Variants in MED13 observed in about 807,000 individuals in gnomAD.
MED13 encodes mediator complex subunit 13, also known as mediator of RNA polymerase II transcription subunit 13.
Under a neutral mutation model 225.2 loss-of-function variants are expected in MED13, and 23 were observed. That is an observed-to-expected ratio of 0.10 (90% confidence interval 0.07 to 0.14). The LOEUF (loss-of-function observed/expected upper bound fraction) is 0.14. Among genes scored for constraint, MED13 ranks in the 10% least tolerant of loss-of-function variants. The pLI is 1.00. For synonymous variants in MED13, 942 were observed against 889.2 expected (o/e 1.06, Z -1.06); for missense variants, 2,197 against 2,594.5 (o/e 0.85, Z 3.33).
chr17:61,969,401 T>G (rs1280744685), intron 17 of MED13, among the ~76,000 whole-genome samples: 1 of 151,892 alleles, frequency 6.6e-6, no homozygotes, highest in Non-Finnish European at 1.5e-5. Context: ...GTAGGCCAGG[T>G]GCTGTGGCTC....
At chr17:61,995,829 T>C (rs990533579) in intron 9 of MED13, among the ~76,000 whole-genome samples, 1 of 152,166 alleles carries the variant, frequency 6.6e-6, no homozygotes, top group African/African-American at 2.4e-5. Flanking sequence ...CATGAGTAGA[T>C]ATACTTTAAG....
chr17:61,979,844 A>C (rs1452960095), intron 16 of MED13, among the ~76,000 whole-genome samples: 2 of 152,178 alleles, frequency 1.3e-5, no homozygotes, highest in African/African-American at 2.4e-5. Flanking sequence ...AGCCTGTCTC[A>C]GTTTTCACCT....
chr17:61,990,759 C>G (rs1785397963), intron 11 of MED13, among the ~76,000 whole-genome samples: 1 of 151,604 alleles, frequency 6.6e-6, no homozygotes, highest in Admixed American at 6.6e-5. Context: ...AAATGAATTA[C>G]TATACTATGT....
chr17:61,974,844 T>G (rs1156603315), intron 16 of MED13, among the ~76,000 whole-genome samples: 1 of 151,768 alleles, frequency 6.6e-6, no homozygotes, highest in Non-Finnish European at 1.5e-5. Flanking sequence ...GTAATAGGAG[T>G]AAATTTTCAA....
intron 23 of MED13, among the ~76,000 whole-genome samples, chr17:61,958,679 G>A (rs1245152825): frequency 5.3e-5 from 8 of 151,774 alleles, no homozygotes; most frequent in Non-Finnish European, 1.2e-4. Flanking sequence ...CATTATGTTG[G>A]CCAGGCTGGT....
intron 23 of MED13, 140 bp downstream of exon 23, chr17:61,960,726 GA>G: frequency 1.9e-6 from 1 of 527,022 alleles, no homozygotes; most frequent in Admixed American, 3.7e-5. Flanking sequence ...ATTCACTAAA[GA>G]AAAAAGTAAA....
chr17:62,034,773 CT>C (rs1226937325), intron 4 of MED13, among the ~76,000 whole-genome samples: 1 of 152,108 alleles, frequency 6.6e-6, no homozygotes, highest in African/African-American at 2.4e-5. Context: ...TAGAATTCAA[CT>C]TTTTTCATAG....
rs530333821 is a variant in MED13 at position 62,011,020 on chromosome 17, G to C, written c.1497C>G (p.Ile499Met). Residue 499 changes from isoleucine (I) to methionine (M), a missense_variant, in exon 9 of 30, where the codon ATC (isoleucine) becomes ATG (methionine). Physicochemically the swap from Ile to Met is conservative, Grantham distance 10. This residue lies in a region of MED13 where 884 missense variants were observed against 918.5 expected (regional missense o/e 0.96). Transcript: ENST00000397786. Reference sequence around the variant, plus strand: ...ATCTCACTTGACTGTCTGGAGCAGAGATCACAAGTCTTTGGCTGGCTGAAT... The same window carrying C: ...ATCTCACTTGACTGTCTGGAGCAGACATCACAAGTCTTTGGCTGGCTGAAT... ...DADSASQRLVISAPDSQVRFS... is the reference protein window; with the variant it reads ...DADSASQRLVMSAPDSQVRFS... The C allele has an allele frequency of 4.9e-5, 79 of 1,614,156 alleles. No homozygotes were observed. The South Asian group carries it at 7.9e-4, about 16-fold the overall frequency.
At position 61,947,341 on chromosome 17, in the gene MED13, T is replaced by C. The variant is rs188961633; in HGVS notation, c.6292-324A>G. ...AGCCACTGTGCCTAGCCAGAAGTGA[T>C]TTTTAAGTGCAAAACTTACTTTGAA... On this transcript the variant is annotated intron_variant, in intron 28 of 29. Coordinates refer to ENST00000397786, the MANE Select transcript of MED13 (RefSeq NM_005121.3). 1.6e-3 allele frequency among the ~76,000 whole-genome samples: 238 copies of C among 152,224 alleles called. 1 individual carries two copies. Among genetic ancestry groups the C allele is most frequent in the African/African-American group, 5.5e-3 (229 of 41,560 alleles).
Position 61,978,421 on chromosome 17 carries a change from T to C in MED13, c.3805+3777A>G, listed in dbSNP as rs573880801. 3.3e-5 allele frequency among the ~76,000 whole-genome samples: 5 copies of C among 152,230 alleles called. No homozygotes were observed. The South Asian group carries it at 1.0e-3, about 32-fold the overall frequency. The stretch of plus-strand genomic sequence containing the variant: ...CATGCGCCACCATGCCCAGCTAATT[T>C]TTGTATTTTTAGTAGAGATGGGGTT... On this transcript the variant is annotated intron_variant, in intron 16 of 29. Coordinates refer to ENST00000397786, the MANE Select transcript of MED13 (RefSeq NM_005121.3).
Position 61,995,157 on chromosome 17 carries a change from G to A in MED13, c.2176C>T (p.His726Tyr), listed in dbSNP as rs773189989. ...QNSEREAGKK[H>Y]KVEDGTSSVT... ...TGTACTGTGATTTCTCTTACCTTGT[G>A]TTTTTTTCCAGCTTCTCTCTCACTA... Residue 726 changes from histidine to tyrosine, a missense_variant, in exon 10 of 30, where the codon CAC becomes TAC. Physicochemically the swap from His to Tyr is moderately conservative, Grantham distance 83. Transcript: ENST00000397786. 8.1e-6 allele frequency: 13 copies of A among 1,611,054 alleles called. No homozygotes were observed. Among genetic ancestry groups the A allele is most frequent in the South Asian group, 1.1e-5 (1 of 90,958 alleles).
intron 24 of MED13, 130 bp from the exon 25 acceptor site, chr17:61,955,968 C>A: frequency 7.6e-7 from 1 of 1,324,244 alleles, no homozygotes; most frequent in Non-Finnish European, 9.7e-7. Flanking sequence ...TTAGTGTATT[C>A]CTCCAACACG....
chr17:62,027,698 C>T (rs940857718), intron 8 of MED13, among the ~76,000 whole-genome samples: 3 of 151,974 alleles, frequency 2.0e-5, no homozygotes, highest in Non-Finnish European at 4.4e-5. Context: ...TGTCTAATAT[C>T]CAGTATCTAA....
rs1480853104 is a variant in MED13, at chr17:61,987,086, C to T, written c.2306G>A (p.Ser769Asn). ...AGCCAGGTCTGAGTCATAAATCAAA[C>T]TTGTTGATGGAGGACGGGCATGACT... ...PTSHARPPST[S>N]LIYDSDLAVS... is the part of the protein sequence containing the mutation. The change falls in exon 12 of 30, where the codon AGT (serine) becomes AAT (asparagine). Residue 769 changes from serine (S) to asparagine (N), a missense_variant. Around this residue, in one of 12 missense-constraint regions of MED13, gnomAD observed 884 missense variants for 918.5 expected, o/e 0.96. Coordinates refer to ENST00000397786, the MANE Select transcript of MED13 (RefSeq NM_005121.3). The T allele has an allele frequency of 6.2e-7, 1 of 1,608,166 alleles. No homozygotes were observed. Among genetic ancestry groups the T allele is most frequent in the Non-Finnish European group, 8.5e-7 (1 of 1,176,710 alleles).
intron 26 of MED13, 53 bp downstream of exon 26, chr17:61,955,329 A>C: frequency 7.3e-7 from 1 of 1,378,558 alleles, no homozygotes; most frequent in Non-Finnish European, 9.7e-7. Flanking sequence ...ATTGGACATG[A>C]ATTTATTTTG....
chr17:62,017,740 T>G (rs2080596814), intron 8 of MED13, among the ~76,000 whole-genome samples: 1 of 152,188 alleles, frequency 6.6e-6, no homozygotes, highest in South Asian at 2.1e-4. Context: ...TAGTATCACT[T>G]AAGAATGTCC....
intron 16 of MED13, among the ~76,000 whole-genome samples, chr17:61,978,460 C>T (rs1309671305): frequency 6.6e-6 from 1 of 152,164 alleles, no homozygotes; most frequent in Non-Finnish European, 1.5e-5. Flanking sequence ...CTAGGTTGGT[C>T]AGGCTGGTCT....
chr17:62,064,902 A>G (rs1474691531), intron 1 of MED13, among the ~76,000 whole-genome samples: 1 of 152,208 alleles, frequency 6.6e-6, no homozygotes, highest in Non-Finnish European at 1.5e-5. Flanking sequence ...CTACGGTGAG[A>G]AGGAGAGTCC....
At chr17:61,981,017 C>T (rs932240802) in intron 16 of MED13, among the ~76,000 whole-genome samples, 1 of 149,212 alleles carries the variant, frequency 6.7e-6, no homozygotes, top group African/African-American at 2.6e-5. Context: ...AGCCACCGCA[C>T]CCAGCCATTT....
Sources: gnomAD v4.1 joint callset for allele counts (sites outside exome capture counted in the v4.1 genomes callset) on GRCh38, gnomAD v4.1.1 for gene constraint, gnomAD v4.1.1 regional missense constraint, MANE v1.5 for transcripts, NCBI Gene and HGNC (gene_info 2026-07-23, HGNC 2026-07-21) for gene names.